Variants in CDH18 observed in about 807,000 individuals in gnomAD.
CDH18 encodes the protein cadherin 18, also known as cadherin-18.
Under a neutral mutation model 67.9 loss-of-function variants are expected in CDH18, and 31 were observed. That is an observed-to-expected ratio of 0.46 (90% CI 0.34 to 0.62). The LOEUF is 0.62. CDH18 is among the 20% of genes least tolerant of loss of function. The pLI is 0.01. For missense variants in CDH18, 890 were observed against 975.5 expected, an observed-to-expected ratio of 0.91 and a Z score of 1.17; for synonymous variants, 362 against 347.2, an observed-to-expected ratio of 1.04 and a Z score of -0.48.
upstream of CDH18, among the ~76,000 whole-genome samples, chr5:19,990,217 CT>C (rs1231139606): frequency 6.6e-6 from 1 of 152,112 alleles, no homozygotes; most frequent in African/African-American, 2.4e-5. Context: ...GTAAGAGGTC[CT>C]ATAGTTTAAT....
chr5:19,473,182 C>T lies in CDH18; in HGVS notation c.*44G>A, dbSNP rs960980635. The T allele has an allele frequency of 2.5e-6, 4 of 1,589,972 alleles. No homozygotes were observed. The highest frequency in any genetic ancestry group is 3.4e-6 in the Non-Finnish European group (4 of 1,167,086). The stretch of plus-strand genomic sequence containing the variant: ...TGTCATTGCTGAGGTTGTATATCCA[C>T]TTACTCAGGAAGCAAATTCCACAAG... On this transcript the variant is annotated 3_prime_UTR_variant, in exon 13 of 13. Coordinates refer to ENST00000382275, the MANE Select transcript of CDH18 (RefSeq NM_004934.5).
chr5:19,550,233 C>A (rs919306695), intron 8 of CDH18, among the ~76,000 whole-genome samples: 11 of 152,028 alleles, frequency 7.2e-5, no homozygotes, highest in Non-Finnish European at 1.3e-4. Context: ...CCCTTATTCA[C>A]CATGTTAGAC....
At chr5:19,992,785 C>T (rs1235695400), upstream of CDH18, among the ~76,000 whole-genome samples, 1 of 152,002 alleles carries the variant, frequency 6.6e-6, no homozygotes, top group African/African-American at 2.4e-5. Flanking sequence ...TCTACATCAT[C>T]ATCATCGTAG....
intron 2 of CDH18, among the ~76,000 whole-genome samples, chr5:20,193,790 T>C (rs957897637): frequency 6.6e-6 from 1 of 152,098 alleles, no homozygotes; most frequent in African/African-American, 2.4e-5. Context: ...GCGAGGCTGG[T>C]TCAACATAAG....
At chr5:20,037,639 A>C (rs757262337) in intron 2 of CDH18, among the ~76,000 whole-genome samples, 13 of 152,086 alleles carry the variant, frequency 8.5e-5, no homozygotes, top group Non-Finnish European at 1.6e-4. Context: ...GAAATAAATA[A>C]GTTCTTTGAA....
intron 2 of CDH18, among the ~76,000 whole-genome samples, chr5:20,054,988 T>C (rs1741780866): frequency 6.6e-6 from 1 of 152,190 alleles, no homozygotes; most frequent in Non-Finnish European, 1.5e-5. Context: ...CAATGGGCTG[T>C]GTAATAACAC....
At chr5:19,571,490 A>T in intron 8 of CDH18, 89 bp downstream of exon 8, 1 of 1,170,812 alleles carries the variant, frequency 8.5e-7, no homozygotes, top group Admixed American at 2.4e-5. Flanking sequence ...GTAGAAATAA[A>T]ACATTTTAAG....
intron 3 of CDH18, among the ~76,000 whole-genome samples, chr5:19,755,217 A>T (rs1436441202): frequency 2.7e-5 from 4 of 149,162 alleles, no homozygotes; most frequent in African/African-American, 7.6e-5. Context: ...ATAAAAAAAT[A>T]AAAAAAAGAA....
intron 1 of CDH18, among the ~76,000 whole-genome samples, chr5:20,554,345 T>C (rs1405125286): frequency 6.6e-6 from 1 of 152,184 alleles, no homozygotes; most frequent in Non-Finnish European, 1.5e-5. Flanking sequence ...TAAAGGTCAA[T>C]CTTTGTAAAG....
chr5:20,152,304 C>T (rs1440138353), intron 2 of CDH18, among the ~76,000 whole-genome samples: 1 of 147,230 alleles, frequency 6.8e-6, no homozygotes, highest in Non-Finnish European at 1.5e-5. Context: ...GGCTTGAAAA[C>T]AAATTAAAAC....
At chr5:19,487,430 AT>A (rs1740587395) in intron 11 of CDH18, among the ~76,000 whole-genome samples, 1 of 152,160 alleles carries the variant, frequency 6.6e-6, no homozygotes, top group Non-Finnish European at 1.5e-5. Flanking sequence ...AACCAATAAT[AT>A]GTGTTTAGAA....
chr5:19,675,318 G>A lies in CDH18; in HGVS notation c.643+46029C>T, dbSNP rs951777272. Among the ~76,000 whole-genome samples the A allele has an allele frequency of 3.9e-5, 6 of 152,016 alleles. No individual in the cohort carries two copies. The East Asian group carries it at 5.8e-4, about 15-fold the overall frequency. Reference sequence around the variant, plus strand: ...AGACTGGGTTTGAGAGCAGACAACCGGTATGACCAAAATTTATCAGGCAGG... The same window carrying A: ...AGACTGGGTTTGAGAGCAGACAACCAGTATGACCAAAATTTATCAGGCAGG... On this transcript the variant is annotated intron_variant, in intron 5 of 12. Coordinates refer to ENST00000382275, the MANE Select transcript of CDH18 (RefSeq NM_004934.5).
chr5:20,349,400 C>CT (rs971313202), intron 1 of CDH18, among the ~76,000 whole-genome samples: 18 of 152,148 alleles, frequency 1.2e-4, no homozygotes, highest in Non-Finnish European at 2.1e-4. Flanking sequence ...GAACCTCTGT[C>CT]TTTTTTTGCC....
chr5:20,346,902 T>C (rs900458182), intron 1 of CDH18, among the ~76,000 whole-genome samples: 1 of 152,186 alleles, frequency 6.6e-6, no homozygotes, highest in Non-Finnish European at 1.5e-5. Flanking sequence ...TTAGATTTAC[T>C]TGCCAATCAG....
intron 2 of CDH18, among the ~76,000 whole-genome samples, chr5:19,844,584 A>G (rs1782715536): frequency 6.6e-6 from 1 of 152,188 alleles, no homozygotes; most frequent in African/African-American, 2.4e-5. Flanking sequence ...TAATACAGGA[A>G]CCAAATACTT....
intron 1 of CDH18, among the ~76,000 whole-genome samples, chr5:20,398,217 T>G (rs1327492944): frequency 6.6e-6 from 1 of 152,194 alleles, no homozygotes; most frequent in East Asian, 1.9e-4. Flanking sequence ...TTATGTTTTC[T>G]AAAATGTTAC....
intron 2 of CDH18, among the ~76,000 whole-genome samples, chr5:20,250,506 T>A (rs1743760545): frequency 2.0e-5 from 3 of 150,458 alleles, no homozygotes; most frequent in African/African-American, 7.4e-5. Context: ...TTGGCCAGGA[T>A]GGTTTCGATC....
At chr5:19,507,109 C>T (rs957488495) in intron 10 of CDH18, among the ~76,000 whole-genome samples, 2 of 152,172 alleles carry the variant, frequency 1.3e-5, no homozygotes, top group Non-Finnish European at 2.9e-5. Flanking sequence ...TGAACAGACA[C>T]TTCTCAAAAG....
chr5:20,177,292 G>T (rs2126671229), intron 2 of CDH18, among the ~76,000 whole-genome samples: 1 of 152,164 alleles, frequency 6.6e-6, no homozygotes. Flanking sequence ...GCATAATATA[G>T]ATAGCCCATC....
Sources: gnomAD v4.1 joint callset for allele counts (sites outside exome capture counted in the v4.1 genomes callset) on GRCh38, gnomAD v4.1.1 for gene constraint, MANE v1.5 for transcripts, NCBI Gene and HGNC (gene_info 2026-07-23, HGNC 2026-07-21) for gene names.